The following SDHA variants were observed in gnomAD, a reference collection of about 807,000 sequenced individuals.
The protein encoded by SDHA is succinate dehydrogenase [ubiquinone] flavoprotein subunit, mitochondrial.
A neutral mutation model predicts 78.4 loss-of-function variants in SDHA; 48 were observed. The observed-to-expected ratio is 0.61, with a 90% CI of 0.49 to 0.78. The LOEUF is 0.78. Ranked by LOEUF, SDHA falls within the 30% of genes least tolerant of loss-of-function variation. The pLI is 0.00. For missense variants in SDHA, 680 were observed against 892.7 expected, an observed-to-expected ratio of 0.76 and a Z score of 3.04; for synonymous variants, 326 against 353.9, an observed-to-expected ratio of 0.92 and a Z score of 0.88.
At chr5:263,278 A>AT in the SDHA span, among the ~76,000 whole-genome samples, 2,903 of 150,086 alleles carry the variant, frequency 0.019, 78 homozygotes, top group African/African-American at 0.067. Flanking sequence ...TTATATTTAG[A>AT]TTTTTTTTTT....
At chr5:261,562 C>T (rs1349719448), downstream of SDHA, among the ~76,000 whole-genome samples, 3 of 35,606 alleles carry the variant, frequency 8.4e-5, no homozygotes, top group Admixed American at 2.3e-4. Flanking sequence ...AGAGCATTAC[C>T]GTGTGAGCTC....
intron 1 of SDHA, among the ~76,000 whole-genome samples, chr5:219,262 C>G (rs548639779): frequency 0.011 from 1,617 of 146,226 alleles, 34 homozygotes; most frequent in African/African-American, 0.043. Context: ...TTATACTTCC[C>G]TGAGCCCTTG....
intron 6 of SDHA, among the ~76,000 whole-genome samples, chr5:230,077 G>A (rs1560991479): frequency 6.6e-6 from 1 of 152,136 alleles, no homozygotes; most frequent in East Asian, 1.9e-4. Flanking sequence ...TGCGAAGATA[G>A]TAGACGTTAG....
At chr5:231,111 A>T in intron 7 of SDHA, 111 bp downstream of exon 7, 1 of 1,303,524 alleles carries the variant, frequency 7.7e-7, no homozygotes, top group Non-Finnish European at 1.1e-6. Context: ...GGTTTTGAAG[A>T]TCAGCTTCCT....
chr5:232,015 C>T (rs889541808), intron 7 of SDHA, among the ~76,000 whole-genome samples: 17 of 137,528 alleles, frequency 1.2e-4, no homozygotes, highest in Middle Eastern at 3.4e-3. Flanking sequence ...CAGAATGAGT[C>T]AGAGACAGAC....
chr5:228,485 C>T (rs576755836), intron 6 of SDHA, 152 bp downstream of exon 6: 18 of 884,028 alleles, frequency 2.0e-5, no homozygotes, highest in East Asian at 1.1e-4. Flanking sequence ...CTTTCCCAGC[C>T]GTGGTTCCTC....
At chr5:253,048 T>C (rs1736955973) in intron 13 of SDHA, 1 of 152,260 alleles carries the variant, frequency 6.6e-6, no homozygotes, top group Admixed American at 6.5e-5. Flanking sequence ...TGAACTGATT[T>C]TTGTGCAGAG....
chr5:240,618 T>A, intron 11 of SDHA, 142 bp downstream of exon 11: 1 of 696,694 alleles, frequency 1.4e-6, no homozygotes, highest in Non-Finnish European at 2.7e-6. Context: ...AGTCTGGGCT[T>A]TTCATGTACC....
At chr5:236,784 T>C (rs1293795224) in intron 10 of SDHA, among the ~76,000 whole-genome samples, 185 bp downstream of exon 10, 3 of 152,216 alleles carry the variant, frequency 2.0e-5, no homozygotes, top group Non-Finnish European at 2.9e-5. Flanking sequence ...TAGCTGGGAC[T>C]ACAGATGTGC....
chr5:266,141 A>T, the SDHA span, among the ~76,000 whole-genome samples: 3 of 152,272 alleles, frequency 2.0e-5, no homozygotes, highest in Non-Finnish European at 4.4e-5. Context: ...CACAGCTGAC[A>T]TGTAATGGGA....
At chr5:224,202 TC>T (rs2126541865) in intron 2 of SDHA, among the ~76,000 whole-genome samples, 157 bp from the exon 3 acceptor site, 1 of 152,288 alleles carries the variant, frequency 6.6e-6, no homozygotes, top group South Asian at 2.1e-4. Flanking sequence ...TGCCCACCTC[TC>T]CCCGAACTGT....
chr5:253,852 A>C (rs910497800), intron 13 of SDHA, among the ~76,000 whole-genome samples: 2 of 152,144 alleles, frequency 1.3e-5, no homozygotes, highest in African/African-American at 4.8e-5. Flanking sequence ...CTTGAGCCCC[A>C]GAGTTGTAGA....
At chr5:223,836 T>C (rs1039856975) in intron 2 of SDHA, among the ~76,000 whole-genome samples, 31 of 152,308 alleles carry the variant, frequency 2.0e-4, no homozygotes, top group African/African-American at 7.2e-4. Context: ...TAAAATAAAA[T>C]GAACAGTGTC....
Position 235,145 on chromosome 5 carries a change from G to T in SDHA, c.1066G>T (p.Gly356Cys). The T allele has an allele frequency of 6.2e-7, 1 of 1,613,946 alleles. No homozygotes were observed. The highest frequency in any genetic ancestry group is 8.5e-7 in the Non-Finnish European group (1 of 1,179,828). The change falls in exon 9 of 15, where the codon GGC becomes TGC. Residue 356 changes from glycine (G) to cysteine (C), a missense_variant and splice_region_variant. Physicochemically the swap from Gly to Cys is radical, Grantham distance 159. Coordinates refer to ENST00000264932, the MANE Select transcript of SDHA (RefSeq NM_004168.4). ...SMTLEIREGR[G>C]CGPEKDHVYL... ...TGTGATGGTGTTCTGTCTTACCAGA[G>T]GCTGTGGCCCTGAGAAAGATCACGT...
At chr5:233,189 G>T (rs1188102444) in intron 7 of SDHA, among the ~76,000 whole-genome samples, 3 of 152,162 alleles carry the variant, frequency 2.0e-5, no homozygotes, top group African/African-American at 7.2e-5. Context: ...GGCATCCAAC[G>T]TACACTGGGC....
chr5:225,678 A>G, intron 4 of SDHA, 116 bp downstream of exon 4: 1 of 1,473,402 alleles, frequency 6.8e-7, no homozygotes, highest in South Asian at 1.1e-5. Context: ...GTGATGAGCA[A>G]AGTTCACAAG....
intron 1 of SDHA, among the ~76,000 whole-genome samples, chr5:219,451 A>T (rs1307013468): frequency 5.9e-5 from 9 of 152,276 alleles, no homozygotes; most frequent in Admixed American, 1.3e-4. Context: ...TCTCAATAGG[A>T]ACCAAGGCAT....
intron 1 of SDHA, chr5:220,422 T>A (rs558276994): frequency 6.4e-6 from 2 of 314,870 alleles, no homozygotes; most frequent in Admixed American, 7.2e-5. Flanking sequence ...TGGATTGTTC[T>A]GAATATGTTT....
chr5:230,101 C>CA (rs1735297996), intron 6 of SDHA, among the ~76,000 whole-genome samples: 1 of 151,910 alleles, frequency 6.6e-6, no homozygotes, highest in Non-Finnish European at 1.5e-5. Context: ...TCTGTATCTC[C>CA]AAAAAAAGGA....
Sources: gnomAD v4.1 joint callset for allele counts (sites outside exome capture counted in the v4.1 genomes callset) on GRCh38, gnomAD v4.1.1 for gene constraint, MANE v1.5 for transcripts, NCBI Gene and HGNC (gene_info 2026-07-23, HGNC 2026-07-21) for gene names.